KIAA1958: variants seen among roughly 807,000 people sequenced by gnomAD.
KIAA1958 encodes the protein KIAA1958.
KIAA1958 carries 14 observed loss-of-function variants against 47.2 expected under a neutral mutation model. The observed-to-expected ratio is 0.30, with a 90% CI of 0.20 to 0.46. The LOEUF (loss-of-function observed/expected upper bound fraction) is 0.46, where lower values mean the gene tolerates loss of function less well. Among genes scored for constraint, KIAA1958 ranks in the 20% least tolerant of loss-of-function variants. The pLI is 1.00. For missense variants in KIAA1958, 803 were observed against 909.2 expected, an observed-to-expected ratio of 0.88 and a Z score of 1.50; for synonymous variants, 354 against 353.3, an observed-to-expected ratio of 1.00 and a Z score of -0.02.
intron 1 of KIAA1958, among the ~76,000 whole-genome samples, chr9:112,553,685 C>T (rs540389029): frequency 7.9e-5 from 12 of 152,206 alleles, no homozygotes; most frequent in African/African-American, 2.9e-4. Context: ...TCAGGGGAGC[C>T]TTTGAAGACA....
intron 1 of KIAA1958, among the ~76,000 whole-genome samples, chr9:112,490,272 AGTTTGT>A (rs1166060868): frequency 6.6e-6 from 1 of 152,200 alleles, no homozygotes; most frequent in Non-Finnish European, 1.5e-5. Flanking sequence ...ATTTTCTGAC[AGTTTGT>A]GTTTGTAAAG....
chr9:112,597,695 G>A (rs1483964971), intron 2 of KIAA1958, among the ~76,000 whole-genome samples: 1 of 152,166 alleles, frequency 6.6e-6, no homozygotes, highest in Non-Finnish European at 1.5e-5. Flanking sequence ...GTACAGACAT[G>A]CTTAAAACAA....
chr9:112,601,306 A>T (rs1459112500), intron 2 of KIAA1958, among the ~76,000 whole-genome samples: 1 of 152,214 alleles, frequency 6.6e-6, no homozygotes, highest in African/African-American at 2.4e-5. Context: ...AACAAAAATC[A>T]TTTAAATAAA....
chr9:112,596,335 T>C (rs919658918), intron 2 of KIAA1958, among the ~76,000 whole-genome samples: 33 of 152,184 alleles, frequency 2.2e-4, no homozygotes, highest in Non-Finnish European at 4.1e-4. Context: ...AATTATATTT[T>C]ACAGAATATT....
At chr9:112,596,044 CA>C (rs1292785655) in intron 2 of KIAA1958, among the ~76,000 whole-genome samples, 16 of 152,120 alleles carry the variant, frequency 1.1e-4, no homozygotes, top group Admixed American at 1.0e-3. Flanking sequence ...CTCCGCCTCC[CA>C]AAGTGCTGGG....
At chr9:112,578,743 C>T (rs1007105236) in intron 2 of KIAA1958, among the ~76,000 whole-genome samples, 6 of 152,032 alleles carry the variant, frequency 3.9e-5, no homozygotes, top group Non-Finnish European at 7.4e-5. Context: ...GTAAAGAGGG[C>T]ATCTATTATT....
At position 112,574,353 on chromosome 9, in the gene KIAA1958, C is replaced by G; in HGVS notation, c.273C>G (p.Pro91=). ...ATAGTCCCAGTATAATCGGGGTGCC[C>G]TCTGAGACACAGACTAGCCCTGTTG... is the stretch of plus-strand genomic sequence containing the variant. The part of the protein sequence containing the change: ...NSDSPSIIGV[P]SETQTSPVER... The change falls in exon 2 of 4, where the codon CCC becomes CCG. Residue 91 remains proline (P), a synonymous_variant. Coordinates refer to ENST00000337530, the MANE Select transcript of KIAA1958 (RefSeq NM_133465.4). 6.2e-7 allele frequency: 1 copy of G among 1,614,120 alleles called. No individual in the cohort carries two copies. The highest frequency in any genetic ancestry group is 8.5e-7 in the Non-Finnish European group (1 of 1,179,986).
chr9:112,534,836 G>T (rs1834824042), intron 1 of KIAA1958, among the ~76,000 whole-genome samples: 1 of 152,170 alleles, frequency 6.6e-6, no homozygotes, highest in African/African-American at 2.4e-5. Context: ...GAGCCACTGT[G>T]CCCGGCCAAT....
At chr9:112,507,788 TTTTCTTTCTC>T (rs1834256827) in intron 1 of KIAA1958, among the ~76,000 whole-genome samples, 1 of 151,996 alleles carries the variant, frequency 6.6e-6, no homozygotes, top group Non-Finnish European at 1.5e-5. Context: ...CTTTCTTTCT[TTTTCTTTCTC>T]TTTCTTTCTT....
At chr9:112,605,015 T>C (rs1317407319) in intron 2 of KIAA1958, among the ~76,000 whole-genome samples, 1 of 147,674 alleles carries the variant, frequency 6.8e-6, no homozygotes, top group African/African-American at 2.5e-5. Context: ...ATGTTATATA[T>C]TTTATATGTT....
intron 1 of KIAA1958, among the ~76,000 whole-genome samples, chr9:112,558,828 G>A (rs1171228804): frequency 6.6e-6 from 1 of 152,130 alleles, no homozygotes; most frequent in African/African-American, 2.4e-5. Context: ...ACAGTGATAA[G>A]AAAGACCTGT....
rs1835327562 is a variant in KIAA1958 at position 112,561,435 on chromosome 9, C to T, written c.-24-12622C>T. Among the ~76,000 whole-genome samples the T allele has an allele frequency of 2.0e-5, 3 of 152,306 alleles. No individual in the cohort carries two copies. In the South Asian group the frequency reaches 6.2e-4, roughly 32 times the overall value. On this transcript the variant is annotated intron_variant, in intron 1 of 3. Coordinates refer to ENST00000337530, the MANE Select transcript of KIAA1958 (RefSeq NM_133465.4). ...TCTTTGTTTCTTCCTGCCTTGCCAC[C>T]ATGAGTTCCATGTGAGCACAGTTCA... is the stretch of plus-strand genomic sequence containing the variant.
At chr9:112,524,045 T>A (rs1159243057) in intron 1 of KIAA1958, among the ~76,000 whole-genome samples, 1 of 152,210 alleles carries the variant, frequency 6.6e-6, no homozygotes, top group Admixed American at 6.5e-5. Flanking sequence ...ATTTCAACTA[T>A]TTTTTTAAAC....
intron 2 of KIAA1958, among the ~76,000 whole-genome samples, chr9:112,614,505 A>G (rs924959996): frequency 1.3e-5 from 2 of 152,224 alleles, no homozygotes; most frequent in Non-Finnish European, 2.9e-5. Flanking sequence ...GTATTTTATT[A>G]TCAGTCTTCT....
chr9:112,500,436 A>T (rs1186335068), intron 1 of KIAA1958, among the ~76,000 whole-genome samples: 1 of 151,206 alleles, frequency 6.6e-6, no homozygotes, highest in Non-Finnish European at 1.5e-5. Flanking sequence ...TATCCTATTG[A>T]TTAACCTTAA....
chr9:112,544,038 C>T (rs1196861549), intron 1 of KIAA1958, among the ~76,000 whole-genome samples: 1 of 151,914 alleles, frequency 6.6e-6, no homozygotes, highest in Admixed American at 6.6e-5. Flanking sequence ...GATGGTAAGC[C>T]TTGTCTATGT....
intron 1 of KIAA1958, among the ~76,000 whole-genome samples, chr9:112,517,146 T>A (rs1241652635): frequency 7.9e-4 from 2 of 2,546 alleles, no homozygotes; most frequent in Admixed American, 4.6e-3. Flanking sequence ...TTTAATATAT[T>A]AATTCCATAT....
At chr9:112,596,169 A>AT (rs949073905) in intron 2 of KIAA1958, among the ~76,000 whole-genome samples, 5 of 152,234 alleles carry the variant, frequency 3.3e-5, no homozygotes, top group Admixed American at 3.3e-4. Context: ...ATAGTTGAGA[A>AT]TTTTTTTAAA....
intron 1 of KIAA1958, among the ~76,000 whole-genome samples, chr9:112,496,238 A>G (rs1703936989): frequency 6.6e-6 from 1 of 152,244 alleles, no homozygotes; most frequent in African/African-American, 2.4e-5. Context: ...GATCGATGAG[A>G]ATGATAAACA....
Sources: allele counts gnomAD v4.1 joint callset (sites outside exome capture counted in the v4.1 genomes callset), GRCh38; gene constraint gnomAD v4.1.1; transcripts MANE v1.5; gene names NCBI Gene and HGNC (gene_info 2026-07-23, HGNC 2026-07-21).